PTPN11: variants seen among roughly 807,000 people sequenced by gnomAD.
The protein encoded by PTPN11 is tyrosine-protein phosphatase non-receptor type 11.
In PTPN11, 6 loss-of-function variants were observed where a neutral mutation model predicts 78.8. The ratio of observed to expected loss-of-function variants is 0.08; its 90% CI spans 0.04 to 0.15. PTPN11 has a LOEUF of 0.15. PTPN11 is among the 10% of genes least tolerant of loss of function. The pLI is 1.00. For missense variants in PTPN11, 386 were observed against 744.8 expected, an observed-to-expected ratio of 0.52 and a Z score of 5.61; for synonymous variants, 221 against 263.5, an observed-to-expected ratio of 0.84 and a Z score of 1.56.
chr12:112,470,979 C>T (rs1445175645), intron 6 of PTPN11, among the ~76,000 whole-genome samples: 1 of 152,206 alleles, frequency 6.6e-6, no homozygotes, highest in Non-Finnish European at 1.5e-5. Flanking sequence ...AACTCCTTAA[C>T]CTGAGCTCAT....
chr12:112,494,564 A>G (rs2038790755), intron 13 of PTPN11, among the ~76,000 whole-genome samples: 1 of 152,108 alleles, frequency 6.6e-6, no homozygotes, highest in South Asian at 2.1e-4. Flanking sequence ...ATTTTCAAGC[A>G]CTTCTTTAGA....
chr12:112,484,912 TA>T lies in PTPN11; in HGVS notation c.1225-1553del, dbSNP rs149970374. ...TAAAAATAAAATAAAATAAAAAAAT[TA>T]AAAAAAAAAGAAGAAGAAAAAAGAG... On this transcript the variant is annotated intron_variant, in intron 10 of 15. Transcript: ENST00000351677. 3.1e-3 allele frequency among the ~76,000 whole-genome samples: 456 copies of T among 146,624 alleles called. 3 individuals are homozygous for T. The highest frequency in any genetic ancestry group is 9.7e-3 in the African/African-American group (389 of 39,924).
At chr12:112,427,675 A>T (rs1277735880) in intron 1 of PTPN11, among the ~76,000 whole-genome samples, 1 of 152,004 alleles carries the variant, frequency 6.6e-6, no homozygotes, top group South Asian at 2.1e-4. Context: ...AATGAGCAAG[A>T]TGAGGAGAAG....
rs2038929938 is a variant in PTPN11, at chr12:112,505,925, T to TA, written c.*134dup. 2 of 153,952 alleles carry TA rather than the reference T, an allele frequency of 1.3e-5. No homozygotes were observed. Among genetic ancestry groups the TA allele is most frequent in the South Asian group, 4.1e-4 (2 of 4,828 alleles). The allele number at this position is 153,952 out of a possible 1,614,324, so 9.5% of individuals were successfully genotyped here. On this transcript the variant is annotated 3_prime_UTR_variant, in exon 16 of 16. Coordinates refer to ENST00000351677, the MANE Select transcript of PTPN11 (RefSeq NM_002834.5). Reference sequence around the variant, plus strand: ...TTGGAAGGCTTGCAATGTGGTTGACTACCTTTTGATAAGCAAAATTTGAAA... The same window carrying TA: ...TTGGAAGGCTTGCAATGTGGTTGACTAACCTTTTGATAAGCAAAATTTGAAA...
At position 112,504,593 on chromosome 12, in the gene PTPN11, C is replaced by A; in HGVS notation, c.1713-102C>A. 1.2e-6 allele frequency: 1 copy of A among 861,274 alleles called. No individual in the cohort carries two copies. Among genetic ancestry groups the A allele is most frequent in the South Asian group, 1.4e-5 (1 of 69,400 alleles). 53.4% of individuals were successfully genotyped at this position (861,274 alleles called of 1,614,324 possible). A position where few individuals can be genotyped will look rare whatever the true frequency, so the allele number is the denominator to read the frequency against. The stretch of plus-strand genomic sequence containing the variant: ...CACAGGAACTGTGTCTGTACCATAT[C>A]TGGTGCCCAAAGAATGTAGTATGTG... On this transcript the variant is annotated intron_variant, in intron 14 of 15. Transcript: ENST00000351677. This position sits in a 1 kb window ranked among gnomAD's most constrained non-coding sequence, Gnocchi z 4.7.
At chr12:112,475,662 T>C (rs2038490776) in intron 7 of PTPN11, among the ~76,000 whole-genome samples, 1 of 152,252 alleles carries the variant, frequency 6.6e-6, no homozygotes, top group Admixed American at 6.5e-5. Context: ...TGTGATCAAA[T>C]TTGGAGAGCA....
At chr12:112,419,180 G>C (rs536252902) in intron 1 of PTPN11, 55 bp downstream of exon 1, 5 of 1,439,724 alleles carry the variant, frequency 3.5e-6, no homozygotes, top group Admixed American at 5.3e-5. Context: ...CGCCGCGTTC[G>C]GTTAGCCCCG....
intron 6 of PTPN11, among the ~76,000 whole-genome samples, chr12:112,467,670 T>A (rs1451039160): frequency 6.6e-6 from 1 of 152,152 alleles, no homozygotes; most frequent in Non-Finnish European, 1.5e-5. Flanking sequence ...GATTTTTGTA[T>A]TTTTAGCAGA....
chr12:112,451,394 T>C (rs1307876717), intron 3 of PTPN11, among the ~76,000 whole-genome samples: 1 of 152,196 alleles, frequency 6.6e-6, no homozygotes, highest in African/African-American at 2.4e-5. Flanking sequence ...TAACACCACC[T>C]GCCATGATAG....
At chr12:112,447,100 C>T (rs1205184909) in intron 2 of PTPN11, among the ~76,000 whole-genome samples, 1 of 151,880 alleles carries the variant, frequency 6.6e-6, no homozygotes, top group East Asian at 1.9e-4. Flanking sequence ...AACTCTTAGC[C>T]TCAAGTGATC....
intron 1 of PTPN11, among the ~76,000 whole-genome samples, chr12:112,444,722 G>T (rs973279664): frequency 2.6e-5 from 4 of 152,174 alleles, no homozygotes; most frequent in African/African-American, 9.6e-5. Flanking sequence ...TTATTCAGTG[G>T]GTTATAATCT....
In PTPN11 at chr12:112,504,538, C is replaced by T. The variant is rs1476132935; in HGVS notation, c.1713-157C>T. ...TAATTATATTGCTGTATGGCTATCT[C>T]TTCTCTCCCTGGGAATGTCAGGTCC... On this transcript the variant is annotated intron_variant, in intron 14 of 15. Coordinates refer to ENST00000351677, the MANE Select transcript of PTPN11 (RefSeq NM_002834.5). This position sits in a 1 kb window ranked among gnomAD's most constrained non-coding sequence, Gnocchi z 4.7. Among the ~76,000 whole-genome samples the T allele has an allele frequency of 6.6e-6, 1 of 152,212 alleles. No individual in the cohort carries two copies. Among genetic ancestry groups the T allele is most frequent in the Non-Finnish European group, 1.5e-5 (1 of 68,046 alleles).
chr12:112,502,430 T>C (rs2038887573), intron 14 of PTPN11, among the ~76,000 whole-genome samples, 174 bp downstream of exon 14: 1 of 152,208 alleles, frequency 6.6e-6, no homozygotes, highest in African/African-American at 2.4e-5. Context: ...ATTGTGTTAA[T>C]GCTATCTCAA....
chr12:112,504,188 T>G lies in PTPN11; in HGVS notation c.1713-507T>G, dbSNP rs929032545. Among the ~76,000 whole-genome samples the G allele has an allele frequency of 3.3e-5, 5 of 152,170 alleles. No individual in the cohort carries two copies. The highest frequency in any genetic ancestry group is 5.9e-5 in the Non-Finnish European group (4 of 68,024). On this transcript the variant is annotated intron_variant, in intron 14 of 15. Transcript: ENST00000351677. This position sits in a 1 kb window ranked among gnomAD's most constrained non-coding sequence, Gnocchi z 4.7. The stretch of plus-strand genomic sequence containing the variant: ...CCCAGGGAGCACCAGGACTTGAGGC[T>G]TTTATTGCACTTCTGTTGTTTTTTT...
At chr12:112,452,943 T>C (rs1397586606) in intron 3 of PTPN11, among the ~76,000 whole-genome samples, 2 of 152,122 alleles carry the variant, frequency 1.3e-5, no homozygotes, top group East Asian at 1.9e-4. Flanking sequence ...ACAGGAAAGA[T>C]TGGGGCATTT....
intron 11 of PTPN11, 171 bp downstream of exon 11, chr12:112,486,800 C>T: frequency 6.7e-7 from 1 of 1,483,570 alleles, no homozygotes; most frequent in Non-Finnish European, 9.0e-7. Flanking sequence ...GCATATTTCT[C>T]CTAGACCCTA....
intron 1 of PTPN11, among the ~76,000 whole-genome samples, chr12:112,437,298 C>T (rs936939242): frequency 6.6e-6 from 1 of 152,032 alleles, no homozygotes; most frequent in African/African-American, 2.4e-5. Flanking sequence ...GCTGGGATTA[C>T]AGGCACCTGC....
At chr12:112,434,752 G>A (rs181065966) in intron 1 of PTPN11, among the ~76,000 whole-genome samples, 9 of 152,158 alleles carry the variant, frequency 5.9e-5, no homozygotes, top group East Asian at 1.9e-4. Context: ...ATGAACATAC[G>A]TGTCAGTGTA....
chr12:112,456,089 C>G (rs367551931), intron 6 of PTPN11, 26 bp downstream of exon 6: 2 of 1,444,918 alleles, frequency 1.4e-6, no homozygotes, highest in Non-Finnish European at 1.9e-6. Context: ...ACTGTTTTTA[C>G]GTGAGTTGTT....
Sources: gnomAD v4.1 joint callset for allele counts (sites outside exome capture counted in the v4.1 genomes callset) on GRCh38, gnomAD v4.1.1 for gene constraint, Gnocchi (gnomAD v3.1) non-coding constraint, MANE v1.5 for transcripts, NCBI Gene and HGNC (gene_info 2026-07-23, HGNC 2026-07-21) for gene names.